Variants in DLGAP2 observed in about 807,000 individuals in gnomAD.
DLGAP2 encodes DLG associated protein 2, also known as disks large-associated protein 2.
Under a neutral mutation model 100.3 loss-of-function variants are expected in DLGAP2, and 26 were observed. The observed-to-expected ratio is 0.26, with a 90% CI of 0.19 to 0.36. The LOEUF (loss-of-function observed/expected upper bound fraction) is 0.36. DLGAP2 is among the 10% of genes least tolerant of loss of function. The pLI is 1.00. For synonymous variants in DLGAP2, 886 were observed against 630.1 expected (o/e 1.41, Z -6.08); for missense variants, 1,858 against 1,453.2 (o/e 1.28, Z -4.53).
At chr8:1,693,592 C>G (rs1428236048) in intron 13 of DLGAP2, among the ~76,000 whole-genome samples, 2 of 152,112 alleles carry the variant, frequency 1.3e-5, no homozygotes, top group African/African-American at 4.8e-5. Context: ...TTGGCTTTTT[C>G]ACGTGCAAGG....
chr8:1,531,237 TGTGC>T (rs781138130), intron 4 of DLGAP2, among the ~76,000 whole-genome samples: 2,779 of 144,270 alleles, frequency 0.019, 38 homozygotes, highest in African/African-American at 0.034. Context: ...TTAGAGAGCG[TGTGC>T]GTGTGTGTGT....
At chr8:746,856 C>T (rs1479041500) in intron 1 of DLGAP2, among the ~76,000 whole-genome samples, 2 of 152,234 alleles carry the variant, frequency 1.3e-5, no homozygotes. Flanking sequence ...CCCCTGCTGG[C>T]TGCGGACGCT....
At chr8:1,655,448 T>C (rs1483337624) in intron 8 of DLGAP2, among the ~76,000 whole-genome samples, 2 of 152,212 alleles carry the variant, frequency 1.3e-5, no homozygotes, top group Non-Finnish European at 2.9e-5. Context: ...AGAATGGCAA[T>C]GCTTGCCATT....
intron 2 of DLGAP2, among the ~76,000 whole-genome samples, chr8:1,257,203 C>T (rs889988961): frequency 1.3e-5 from 2 of 152,102 alleles, no homozygotes; most frequent in African/African-American, 4.8e-5. Flanking sequence ...CCAACCCTCT[C>T]CCGCTCACCC....
At chr8:1,614,255 G>A (rs146785317) in intron 6 of DLGAP2, among the ~76,000 whole-genome samples, 7 of 152,202 alleles carry the variant, frequency 4.6e-5, no homozygotes, top group Non-Finnish European at 1.5e-5. Context: ...CAGACCTGGG[G>A]TCTCCTGAGC....
chr8:993,939 C>A (rs974080387), intron 2 of DLGAP2, among the ~76,000 whole-genome samples: 14 of 151,744 alleles, frequency 9.2e-5, no homozygotes, highest in Non-Finnish European at 2.9e-5. Flanking sequence ...TGGTAATTTT[C>A]CCTTTTTGGT....
rs770285239 is a variant in DLGAP2, at chr8:1,237,634, G to A, written c.74-21217G>A. Among the ~76,000 whole-genome samples the A allele has an allele frequency of 8.5e-3, 1,178 of 138,692 alleles. 9 individuals carry two copies. Among genetic ancestry groups the A allele is most frequent in the Non-Finnish European group, 0.01 (643 of 63,602 alleles). 91.0% of individuals were successfully genotyped at this position (138,692 alleles called of 152,430 possible). A position where few individuals can be genotyped will look rare whatever the true frequency, so the allele number is the denominator to read the frequency against. On this transcript the variant is annotated intron_variant, in intron 2 of 14. Coordinates refer to ENST00000637795, the MANE Select transcript of DLGAP2 (RefSeq NM_001346810.2). Reference sequence around the variant, plus strand: ...GTCTAGTTACGTCTCACATGGTGCCGTGTCTAGTTCTCTCTCACACATAGC... The same window carrying A: ...GTCTAGTTACGTCTCACATGGTGCCATGTCTAGTTCTCTCTCACACATAGC...
intron 6 of DLGAP2, among the ~76,000 whole-genome samples, chr8:1,582,214 C>A (rs1267259584): frequency 1.4e-5 from 2 of 141,804 alleles, no homozygotes; most frequent in Non-Finnish European, 3.0e-5. Context: ...CATGTACACA[C>A]CACAGTCAAA....
intron 1 of DLGAP2, among the ~76,000 whole-genome samples, chr8:885,577 A>T (rs1195211911): frequency 2.0e-5 from 3 of 152,184 alleles, no homozygotes; most frequent in Admixed American, 2.0e-4. Flanking sequence ...AACAGAGATA[A>T]CTTGACTTCC....
At chr8:1,220,129 A>G (rs80273406) in intron 2 of DLGAP2, among the ~76,000 whole-genome samples, 3,219 of 152,066 alleles carry the variant, frequency 0.021, 107 homozygotes, top group African/African-American at 0.068. Context: ...GTTCTGATTT[A>G]GGCAATTTGT....
At chr8:1,541,704 T>C (rs1801367075) in intron 4 of DLGAP2, among the ~76,000 whole-genome samples, 1 of 152,232 alleles carries the variant, frequency 6.6e-6, no homozygotes, top group South Asian at 2.1e-4. Context: ...TCTAAGGATT[T>C]CCCTTAAGCT....
At chr8:1,081,137 C>G (rs892609174) in intron 2 of DLGAP2, among the ~76,000 whole-genome samples, 13 of 152,150 alleles carry the variant, frequency 8.5e-5, no homozygotes, top group Admixed American at 7.2e-4. Flanking sequence ...AACGTGCCAC[C>G]TTTCTTACTG....
intron 2 of DLGAP2, among the ~76,000 whole-genome samples, chr8:1,027,268 A>G (rs1015764457): frequency 6.6e-6 from 1 of 152,242 alleles, no homozygotes; most frequent in African/African-American, 2.4e-5. Flanking sequence ...TATTAGTTAC[A>G]CGCCCGTGGT....
At chr8:1,320,463 G>A (rs200675129) in intron 3 of DLGAP2, among the ~76,000 whole-genome samples, 6 of 152,256 alleles carry the variant, frequency 3.9e-5, no homozygotes, top group Admixed American at 6.5e-5. Context: ...TCTGTCTGCC[G>A]AGGCTGGGAA....
At chr8:1,044,475 C>T (rs906564275) in intron 2 of DLGAP2, among the ~76,000 whole-genome samples, 2 of 152,320 alleles carry the variant, frequency 1.3e-5, no homozygotes, top group Non-Finnish European at 2.9e-5. Flanking sequence ...GACCACCTGG[C>T]TTAAACGCAG....
intron 3 of DLGAP2, among the ~76,000 whole-genome samples, chr8:1,414,810 A>G (rs551503484): frequency 2.6e-5 from 4 of 152,262 alleles, no homozygotes; most frequent in South Asian, 4.1e-4. Flanking sequence ...GGAGTTTGAG[A>G]CCAGCCTGGC....
intron 3 of DLGAP2, among the ~76,000 whole-genome samples, chr8:1,431,844 A>G (rs970924095): frequency 5.9e-5 from 9 of 152,158 alleles, no homozygotes; most frequent in African/African-American, 1.9e-4. Context: ...GATGGCCACC[A>G]AGCCCTGAGA....
At position 960,725 on chromosome 8, in the gene DLGAP2, A is replaced by C. The variant is rs1799706016; in HGVS notation, c.73+52759A>C. Among the ~76,000 whole-genome samples, 5 of 152,202 alleles carry C rather than the reference A, an allele frequency of 3.3e-5. No homozygotes were observed. The South Asian group carries it at 1.0e-3, about 31-fold the overall frequency. ...ACAGATGCTCCTCGACTTATGATGG[A>C]GTTATAGCCCGATAAACCTATTGTA... On this transcript the variant is annotated intron_variant, in intron 2 of 14. Transcript: ENST00000637795.
intron 2 of DLGAP2, among the ~76,000 whole-genome samples, chr8:977,008 T>G (rs192305529): frequency 6.6e-6 from 1 of 152,228 alleles, no homozygotes; most frequent in East Asian, 1.9e-4. Flanking sequence ...AGCTACAGAC[T>G]GGGAGAAAAT....
Sources: allele counts gnomAD v4.1 joint callset (sites outside exome capture counted in the v4.1 genomes callset), GRCh38; gene constraint gnomAD v4.1.1; transcripts MANE v1.5; gene names NCBI Gene and HGNC (gene_info 2026-07-23, HGNC 2026-07-21).